IQSEC3: variants seen among roughly 807,000 people sequenced by gnomAD.
IQSEC3 encodes IQ motif and SEC7 domain-containing protein 3.
A neutral mutation model predicts 105.4 loss-of-function variants in IQSEC3; 50 were observed. The observed-to-expected ratio is 0.47, with a 90% confidence interval of 0.38 to 0.60. The LOEUF (loss-of-function observed/expected upper bound fraction) is 0.60. IQSEC3 is among the 20% of genes least tolerant of loss of function. IQSEC3 has a pLI of 0.00. For missense variants in IQSEC3, 1,415 were observed against 1,630.0 expected, an observed-to-expected ratio of 0.87 and a Z score of 2.27; for synonymous variants, 708 against 746.0, an observed-to-expected ratio of 0.95 and a Z score of 0.83.
Position 177,423 on chromosome 12 carries a change from T to A in IQSEC3, c.*2390T>A, listed in dbSNP as rs1939273178. On this transcript the variant is annotated 3_prime_UTR_variant, in exon 14 of 14. Transcript: ENST00000538872. This position sits in a 1 kb window ranked among gnomAD's most constrained non-coding sequence, Gnocchi z 5.3. ...AATCGGAACCAGCAAGTCTTAGGGC[T>A]GGCACGCATCTGGGCCTCTAGCTGA... 6.6e-6 allele frequency: 1 copy of A among 152,302 alleles called. No individual in the cohort carries two copies. Among genetic ancestry groups the A allele is most frequent in the Non-Finnish European group, 1.5e-5 (1 of 68,114 alleles). 9.4% of individuals were successfully genotyped at this position (152,302 alleles called of 1,614,324 possible).
chr12:126,915 C>T, intron 3 of IQSEC3, among the ~76,000 whole-genome samples: 1 of 152,202 alleles, frequency 6.6e-6, no homozygotes, highest in South Asian at 2.1e-4. Flanking sequence ...ATGCCAAGCT[C>T]ATATCCTGGC....
Position 102,187 on chromosome 12 carries a change from C to T in IQSEC3, c.623+2973C>T, listed in dbSNP as rs145838270. Among the ~76,000 whole-genome samples, 1,488 of 150,570 alleles carry T rather than the reference C, an allele frequency of 9.9e-3. 25 individuals are homozygous for T. Among genetic ancestry groups the T allele is most frequent in the African/African-American group, 0.034 (1,379 of 40,868 alleles). On this transcript the variant is annotated intron_variant, in intron 2 of 13. Transcript: ENST00000538872. Reference sequence around the variant, plus strand: ...CTCCCCGTCAGTCTGGCTCCTCCCCCGTCAGTCTGGCTCCTCCCCCATCAG... The same window carrying T: ...CTCCCCGTCAGTCTGGCTCCTCCCCTGTCAGTCTGGCTCCTCCCCCATCAG...
chr12:96,604 C>T (rs564373292), intron 1 of IQSEC3, among the ~76,000 whole-genome samples: 1 of 152,326 alleles, frequency 6.6e-6, no homozygotes, highest in South Asian at 2.1e-4. Context: ...TCATGTGATG[C>T]TATACTAGAG....
At chr12:78,635 T>C (rs1222350658) in intron 1 of IQSEC3, among the ~76,000 whole-genome samples, 3 of 152,206 alleles carry the variant, frequency 2.0e-5, no homozygotes, top group Non-Finnish European at 4.4e-5. Context: ...TGCGGCATAA[T>C]AGTTCTGAGC....
intron 12 of IQSEC3, among the ~76,000 whole-genome samples, chr12:169,665 C>T (rs1938866586): frequency 6.6e-6 from 1 of 152,174 alleles, no homozygotes; most frequent in Non-Finnish European, 1.5e-5. Context: ...TTGCTCACTC[C>T]AGCCGAGTCA....
intron 2 of IQSEC3, among the ~76,000 whole-genome samples, chr12:124,343 C>T (rs1342268898): frequency 1.4e-5 from 2 of 147,556 alleles, no homozygotes; most frequent in Non-Finnish European, 1.5e-5. Flanking sequence ...GAGCCAAGAT[C>T]TCACCATTGC....
chr12:153,415 G>A (rs934026103), intron 5 of IQSEC3, among the ~76,000 whole-genome samples: 1 of 152,152 alleles, frequency 6.6e-6, no homozygotes, highest in Non-Finnish European at 1.5e-5. Flanking sequence ...GAGATGGCCC[G>A]TGCCTCCGGG....
chr12:124,686 A>T (rs565936363), intron 2 of IQSEC3, among the ~76,000 whole-genome samples: 4 of 152,360 alleles, frequency 2.6e-5, no homozygotes, highest in Non-Finnish European at 5.9e-5. Context: ...GTTCCAGGAG[A>T]CACAGCAGTG....
At chr12:92,149 T>A (rs919017539) in intron 1 of IQSEC3, among the ~76,000 whole-genome samples, 6 of 152,210 alleles carry the variant, frequency 3.9e-5, no homozygotes, top group Non-Finnish European at 8.8e-5. Flanking sequence ...GATTTGGGAC[T>A]GCTGAAGCCA....
intron 1 of IQSEC3, among the ~76,000 whole-genome samples, chr12:73,627 G>A (rs575169592): frequency 4.6e-5 from 7 of 152,166 alleles, no homozygotes; most frequent in African/African-American, 9.7e-5. Flanking sequence ...CTGAGATTGC[G>A]CCACTGCACT....
At chr12:139,589 A>G (rs1486103146) in intron 4 of IQSEC3, 6 of 431,366 alleles carry the variant, frequency 1.4e-5, no homozygotes, top group African/African-American at 1.0e-4. Context: ...AAAAAATAAC[A>G]CATCAGACAC....
intron 3 of IQSEC3, among the ~76,000 whole-genome samples, chr12:133,298 G>A (rs1432132535): frequency 6.6e-6 from 1 of 152,248 alleles, no homozygotes; most frequent in Non-Finnish European, 1.5e-5. Flanking sequence ...AAAACGTGTG[G>A]AGACTGGCAG....
At chr12:168,530 G>A (rs1445699150) in intron 11 of IQSEC3, among the ~76,000 whole-genome samples, 2 of 152,176 alleles carry the variant, frequency 1.3e-5, no homozygotes, top group Admixed American at 6.5e-5. Flanking sequence ...AAGTAATTGC[G>A]GTTTTTGCCA....
intron 3 of IQSEC3, among the ~76,000 whole-genome samples, chr12:128,355 G>A (rs10744731): frequency 0.81 from 123,587 of 152,110 alleles, 50,502 homozygotes; most frequent in Non-Finnish European, 0.83. Context: ...AAGGATAAGA[G>A]ACGGGAAATG....
chr12:97,230 G>A (rs184827407), intron 1 of IQSEC3, among the ~76,000 whole-genome samples: 1 of 152,306 alleles, frequency 6.6e-6, no homozygotes, highest in Admixed American at 6.5e-5. Context: ...TGAATGTGCT[G>A]GAGCTCAGTG....
intron 1 of IQSEC3, among the ~76,000 whole-genome samples, chr12:92,055 T>C (rs1864104133): frequency 1.3e-5 from 2 of 152,142 alleles, no homozygotes; most frequent in Admixed American, 1.3e-4. Context: ...AACCTCATAC[T>C]GGGCCCACAG....
intron 7 of IQSEC3, 60 bp downstream of exon 7, chr12:157,754 C>A: frequency 6.5e-7 from 1 of 1,540,296 alleles, no homozygotes; most frequent in African/African-American, 1.4e-5. Context: ...CCATTCTGTG[C>A]ACCGTGCATT....
rs1865849096 is a variant in IQSEC3, at chr12:138,236, C to G, written c.904-31C>G. 16 of 1,569,766 alleles carry G rather than the reference C, an allele frequency of 1.0e-5. No individual in the cohort carries two copies. The highest frequency in any genetic ancestry group is 1.4e-5 in the African/African-American group (1 of 74,014). ...GGGCTGACCACCCTTCCCCTCTGAGCCCTTCCTCCTCTCTGTCCTCGTCCT... is the reference window on the plus strand; with the variant it reads ...GGGCTGACCACCCTTCCCCTCTGAGGCCTTCCTCCTCTCTGTCCTCGTCCT... On this transcript the variant is annotated intron_variant, in intron 3 of 13. Coordinates refer to ENST00000538872, the MANE Select transcript of IQSEC3 (RefSeq NM_001170738.2). The surrounding 1 kb of genome is among the most constrained non-coding windows in gnomAD (Gnocchi z 7.1).
chr12:161,877 AC>A, intron 7 of IQSEC3, 48 bp from the exon 8 acceptor site: 1 of 1,505,468 alleles, frequency 6.6e-7, no homozygotes, highest in Non-Finnish European at 9.0e-7. Context: ...GGGCTCTGAC[AC>A]CCTCCCTCCC....
Sources: gnomAD v4.1 joint callset for allele counts (sites outside exome capture counted in the v4.1 genomes callset) on GRCh38, gnomAD v4.1.1 for gene constraint, Gnocchi (gnomAD v3.1) non-coding constraint, MANE v1.5 for transcripts, NCBI Gene and HGNC (gene_info 2026-07-23, HGNC 2026-07-21) for gene names.